NWD2: variants seen among roughly 807,000 people sequenced by gnomAD.
NWD2 encodes the protein NACHT and WD repeat domain containing 2.
A neutral mutation model predicts 132.7 loss-of-function variants in NWD2; 37 were observed. The ratio of observed to expected loss-of-function variants is 0.28; its 90% CI spans 0.21 to 0.37. NWD2 has a LOEUF of 0.37. Among genes scored for constraint, NWD2 ranks in the 10% least tolerant of loss-of-function variants. The pLI, the probability that NWD2 is intolerant of heterozygous loss-of-function variation, is 1.00. For synonymous variants in NWD2, 705 were observed against 803.0 expected, an observed-to-expected ratio of 0.88 and a Z score of 2.06; for missense variants, 1,592 against 2,122.4, an observed-to-expected ratio of 0.75 and a Z score of 4.91.
intron 1 of NWD2, among the ~76,000 whole-genome samples, chr4:37,255,779 G>A (rs1490193723): frequency 6.6e-6 from 1 of 152,118 alleles, no homozygotes; most frequent in Non-Finnish European, 1.5e-5. Flanking sequence ...TGCAGCCTGA[G>A]TGATATGACC....
rs145656864 is a variant in NWD2 at position 37,295,859 on chromosome 4, A to G, written c.152-30077A>G. Among the ~76,000 whole-genome samples, 237 of 152,230 alleles carry G rather than the reference A, an allele frequency of 1.6e-3. No homozygotes were observed. In the Middle Eastern group the frequency reaches 0.034, roughly 22 times the overall value. On this transcript the variant is annotated intron_variant, in intron 1 of 6. Transcript: ENST00000309447. ...TTCACGCTGAAAGTATATTTCCTTA[A>G]TGTTTTATTTGGATGTACAGTCAAT...
chr4:37,259,688 G>C lies in NWD2; in HGVS notation c.151+14470G>C, dbSNP rs148436473. ...CAGGGCCTCACCTAGAGGACAGCAG[G>C]ATCCCCACGGGGATGGTTATAGAGA... On this transcript the variant is annotated intron_variant, in intron 1 of 6. Transcript: ENST00000309447. Among the ~76,000 whole-genome samples, 183 of 152,268 alleles carry C rather than the reference G, an allele frequency of 1.2e-3. 1 individual carries two copies. Among genetic ancestry groups the C allele is most frequent in the African/African-American group, 4.2e-3 (175 of 41,552 alleles).
At chr4:37,419,341 C>A (rs2109322139) in intron 3 of NWD2, among the ~76,000 whole-genome samples, 1 of 152,230 alleles carries the variant, frequency 6.6e-6, no homozygotes, top group Non-Finnish European at 1.5e-5. Context: ...TAGGCATGGG[C>A]AAAGACCTCA....
rs1712243680 is a variant in NWD2 at position 37,433,906 on chromosome 4, A to C, written c.592A>C (p.Lys198Gln). Residue 198 changes from lysine (K) to glutamine (Q), a missense_variant, in exon 5 of 7, where the codon AAG becomes CAG. Transcript: ENST00000309447. Reference sequence around the variant, plus strand: ...GCCTTCTACCAATGCTGAAAACGAGAAGACATGGCAAGAGATATCAGATGA... The same window carrying C: ...GCCTTCTACCAATGCTGAAAACGAGCAGACATGGCAAGAGATATCAGATGA... ...MQPSTNAENE[K>Q]TWQEISDEIK... The C allele has an allele frequency of 1.3e-6, 2 of 1,546,526 alleles. No homozygotes were observed. Among genetic ancestry groups the C allele is most frequent in the Non-Finnish European group, 1.7e-6 (2 of 1,143,982 alleles).
intron 1 of NWD2, among the ~76,000 whole-genome samples, chr4:37,269,631 A>G (rs1022798781): frequency 6.6e-6 from 1 of 151,936 alleles, no homozygotes; most frequent in Non-Finnish European, 1.5e-5. Context: ...GCCACTCAGC[A>G]TAAGGTTTTG....
At chr4:37,263,913 G>T (rs185664538) in intron 1 of NWD2, among the ~76,000 whole-genome samples, 1 of 152,184 alleles carries the variant, frequency 6.6e-6, no homozygotes, top group Non-Finnish European at 1.5e-5. Flanking sequence ...TTTATTCAAT[G>T]CCTGTGAATA....
chr4:37,443,316 C>A lies in NWD2; in HGVS notation c.1328C>A (p.Pro443Gln). 1 of 1,551,218 alleles carries A rather than the reference C, an allele frequency of 6.4e-7. No individual in the cohort carries two copies. The highest frequency in any genetic ancestry group is 1.4e-5 in the African/African-American group (1 of 73,158). ...AYGWLHEDTG[P>Q]ESDPVVIVRF... ...GGCTGGCTACATGAGGACACAGGAC[C>A]AGAATCTGACCCAGTAGTCATCGTG... Residue 443 changes from proline (P) to glutamine (Q), a missense_variant, in exon 7 of 7, where the codon CCA becomes CAA. By Grantham distance (76) the Pro-to-Gln change is moderately conservative. Around this residue, in one of 7 missense-constraint regions of NWD2, gnomAD observed 1,071 missense variants for 1,398.0 expected, o/e 0.77. Coordinates refer to ENST00000309447, the MANE Select transcript of NWD2 (RefSeq NM_001144990.2). The surrounding 1 kb of genome is among the most constrained non-coding windows in gnomAD (Gnocchi z 4.1).
rs1167737230 is a variant in NWD2, at chr4:37,430,678, A to G, written c.464A>G (p.Lys155Arg). ...GCCATAGAGGCAAAGCTGGAGACCAAGTTGCTGGAGGAGTGGTACTGTCGA... is the reference window on the plus strand; with the variant it reads ...GCCATAGAGGCAAAGCTGGAGACCAGGTTGCTGGAGGAGTGGTACTGTCGA... ...DAAIEAKLET[K>R]LLEEWYCRDE... is the part of the protein sequence containing the mutation. The change falls in exon 4 of 7, where the codon AAG (lysine) becomes AGG (arginine). Residue 155 changes from lysine to arginine, a missense_variant. Around this residue, in one of 7 missense-constraint regions of NWD2, gnomAD observed 144 missense variants for 185.7 expected, o/e 0.78. Transcript: ENST00000309447. 1.9e-6 allele frequency: 3 copies of G among 1,551,488 alleles called. No individual in the cohort carries two copies. The highest frequency in any genetic ancestry group is 1.4e-5 in the African/African-American group (1 of 73,040).
At chr4:37,291,220 T>A (rs1458867859) in intron 1 of NWD2, among the ~76,000 whole-genome samples, 2 of 150,710 alleles carry the variant, frequency 1.3e-5, no homozygotes, top group African/African-American at 4.9e-5. Flanking sequence ...CTTGCGTTAT[T>A]TAATAGTTTG....
chr4:37,333,322 TAGTCCC>T (rs1363275147), intron 2 of NWD2, among the ~76,000 whole-genome samples: 1 of 152,150 alleles, frequency 6.6e-6, no homozygotes, highest in African/African-American at 2.4e-5. Flanking sequence ...TAACCTAGCA[TAGTCCC>T]AGTGGTGGTC....
In NWD2 at chr4:37,281,118, A is replaced by AG. The variant is rs778173247; in HGVS notation, c.151+35907dup. Among the ~76,000 whole-genome samples the AG allele has an allele frequency of 3.3e-5, 5 of 152,210 alleles. No homozygotes were observed. In the East Asian group the frequency reaches 7.8e-4, roughly 24 times the overall value. ...AATGCTGCTTCTGAGGGACAGTCCA[A>AG]GGGGGGGACATGGTTAAAAACAACC... On this transcript the variant is annotated intron_variant, in intron 1 of 6. Coordinates refer to ENST00000309447, the MANE Select transcript of NWD2 (RefSeq NM_001144990.2).
At chr4:37,257,961 G>A (rs1035779280) in intron 1 of NWD2, among the ~76,000 whole-genome samples, 1 of 152,232 alleles carries the variant, frequency 6.6e-6, no homozygotes, top group Non-Finnish European at 1.5e-5. Flanking sequence ...TTTAATGTCA[G>A]ATGTGCTAAA....
chr4:37,312,839 AG>A (rs1718877649), intron 1 of NWD2, among the ~76,000 whole-genome samples: 1 of 151,140 alleles, frequency 6.6e-6, no homozygotes, highest in Non-Finnish European at 1.5e-5. Context: ...TTTAGCATGA[AG>A]GGTTGTTGAA....
At chr4:37,275,899 G>T (rs149026905) in intron 1 of NWD2, among the ~76,000 whole-genome samples, 2,037 of 152,078 alleles carry the variant, frequency 0.013, 40 homozygotes, top group African/African-American at 0.044. Flanking sequence ...TAGCCATATG[G>T]AGAAAGCTGA....
At chr4:37,431,234 T>A (rs1414753458) in intron 4 of NWD2, among the ~76,000 whole-genome samples, 1 of 152,126 alleles carries the variant, frequency 6.6e-6, no homozygotes, top group Non-Finnish European at 1.5e-5. Flanking sequence ...ATAGCCAAGA[T>A]ATGGAAACAG....
chr4:37,355,925 G>A lies in NWD2; in HGVS notation c.241-441G>A, dbSNP rs113822392. On this transcript the variant is annotated intron_variant, in intron 2 of 6. Coordinates refer to ENST00000309447, the MANE Select transcript of NWD2 (RefSeq NM_001144990.2). The stretch of plus-strand genomic sequence containing the variant: ...GGCTTTTTTTTTTTAAGAAATGTAG[G>A]TGTTTGACTTGAAATCAGTGTATAG... 8.5e-4 allele frequency among the ~76,000 whole-genome samples: 129 copies of A among 152,034 alleles called. 2 individuals are homozygous for A. Among genetic ancestry groups the A allele is most frequent in the African/African-American group, 3.0e-3 (125 of 41,446 alleles).
intron 3 of NWD2, among the ~76,000 whole-genome samples, chr4:37,366,938 G>C (rs536014349): frequency 3.9e-5 from 6 of 152,098 alleles, no homozygotes; most frequent in African/African-American, 1.4e-4. Context: ...AAACAAATCC[G>C]TAAGTATGTA....
intron 5 of NWD2, 23 bp from the exon 6 acceptor site, chr4:37,438,778 C>T: frequency 6.7e-7 from 1 of 1,494,042 alleles, no homozygotes; most frequent in Non-Finnish European, 9.0e-7. Context: ...AAGCAATAAA[C>T]TCCTTCTTAT....
chr4:37,435,093 T>C (rs1712287834), intron 5 of NWD2, among the ~76,000 whole-genome samples: 1 of 152,212 alleles, frequency 6.6e-6, no homozygotes. Flanking sequence ...AAGGAAGCTT[T>C]ATCATTAGAA....
Sources: gnomAD v4.1 joint callset for allele counts (sites outside exome capture counted in the v4.1 genomes callset) on GRCh38, gnomAD v4.1.1 for gene constraint, gnomAD v4.1.1 regional missense constraint, Gnocchi (gnomAD v3.1) non-coding constraint, MANE v1.5 for transcripts, NCBI Gene and HGNC (gene_info 2026-07-23, HGNC 2026-07-21) for gene names.